The following CIDEB variants were observed in gnomAD, a reference collection of about 807,000 sequenced individuals.
CIDEB encodes cell death inducing DFFA like effector b, also known as lipid transferase CIDEB.
A neutral mutation model predicts 22.4 loss-of-function variants in CIDEB; 27 were observed. That is an observed-to-expected ratio of 1.21 (90% CI 0.89 to 1.66). The LOEUF (loss-of-function observed/expected upper bound fraction) is 1.66. Ranked by LOEUF, CIDEB falls within the 40% of genes most tolerant of loss-of-function variation. The pLI, the probability that CIDEB is intolerant of heterozygous loss-of-function variation, is 0.00. For synonymous variants in CIDEB, 103 were observed against 109.5 expected, an observed-to-expected ratio of 0.94 and a Z score of 0.37; for missense variants, 289 against 268.7, an observed-to-expected ratio of 1.08 and a Z score of -0.53.
chr14:24,308,118 G>A, upstream of CIDEB: 1 of 547,088 alleles, frequency 1.8e-6, no homozygotes, highest in Non-Finnish European at 3.3e-6. Flanking sequence ...GTGTGTCTTT[G>A]GTGATGACAT....
rs373512635 is a variant in CIDEB, at chr14:24,306,379, T to C, written c.331A>G (p.Thr111Ala). ...VLQSGQSWSP[T>A]RSGVLSYGLG... ...CCCCAGTATAGGCCTCTTACCCTTGTAGGGCTCCAGCTCTGACCAGACTGC... is the reference window on the plus strand; with the variant it reads ...CCCCAGTATAGGCCTCTTACCCTTGCAGGGCTCCAGCTCTGACCAGACTGC... The change falls in exon 3 of 5, where the codon ACA becomes GCA. Residue 111 changes from threonine to alanine, a missense_variant. Physicochemically the swap from Thr to Ala is moderately conservative, Grantham distance 58 (BLOSUM62 0). Coordinates refer to ENST00000554411, the MANE Select transcript of CIDEB (RefSeq NM_001393339.1). The C allele has an allele frequency of 2.5e-6, 4 of 1,614,212 alleles. No homozygotes were observed. The highest frequency in any genetic ancestry group is 1.6e-4 in the Middle Eastern group (1 of 6,062).
chr14:24,307,369 A>G lies in CIDEB; in HGVS notation c.186+2T>C. 6.2e-7 allele frequency: 1 copy of G among 1,612,110 alleles called. No individual in the cohort carries two copies. The highest frequency in any genetic ancestry group is 8.5e-7 in the Non-Finnish European group (1 of 1,178,904). The stretch of plus-strand genomic sequence containing the variant: ...AGGAACCGAGGAACTTGGCCTACTT[A>G]CTTTGGCTAGCAGCTCCTGGCGGGT... On this transcript the variant is annotated splice_donor_variant, in intron 2 of 4. Transcript: ENST00000554411. LOFTEE classifies it high-confidence loss of function.
In CIDEB at chr14:24,307,477, A is replaced by C. The variant is rs777640216; in HGVS notation, c.80T>G (p.Val27Gly). The C allele has an allele frequency of 6.2e-7, 1 of 1,613,896 alleles. No individual in the cohort carries two copies. Among genetic ancestry groups the C allele is most frequent in the Non-Finnish European group, 8.5e-7 (1 of 1,179,972 alleles). Residue 27 changes from valine to glycine, a missense_variant, in exon 2 of 5, where the codon GTC (valine) becomes GGC (glycine). By Grantham distance (109) the Val-to-Gly change is moderately radical. Coordinates refer to ENST00000554411, the MANE Select transcript of CIDEB (RefSeq NM_001393339.1). Reference sequence around the variant, plus strand: ...CTGGGGTGGTGGAGCTGAGGTCCAGACCCTCCGTCCAAACTCCGAGCTTAT... The same window carrying C: ...CTGGGGTGGTGGAGCTGAGGTCCAGCCCCTCCGTCCAAACTCCGAGCTTAT... ...SNISSEFGRR[V>G]WTSAPPPQRP...
chr14:24,307,982 C>T, upstream of CIDEB: 1 of 878,036 alleles, frequency 1.1e-6, no homozygotes, highest in East Asian at 2.7e-5. Flanking sequence ...GGGAATGAGT[C>T]AAGCCTGGAC....
upstream of CIDEB, chr14:24,310,612 C>T (rs980514713): frequency 1.9e-6 from 3 of 1,586,304 alleles, no homozygotes; most frequent in Non-Finnish European, 2.6e-6. Context: ...GGGTTTTGCC[C>T]CACCCCTGAA....
At chr14:24,310,858 C>A (rs375166428), upstream of CIDEB, 1 of 1,591,058 alleles carries the variant, frequency 6.3e-7, no homozygotes, top group South Asian at 1.1e-5. Flanking sequence ...CTGCACCTGG[C>A]GCTGGCCGAC....
Position 24,305,997 on chromosome 14 carries a change from G to C in CIDEB, c.477C>G (p.Leu159=), listed in dbSNP as rs780437046. The part of the protein sequence containing the change: ...SLNVKATFYG[L]YSMSCDFQGL... The stretch of plus-strand genomic sequence containing the variant: ...CTTGAAAGTCACAACTCATAGAGTA[G>C]AGCCCGTAGAATGTGGCTTTGACAT... Residue 159 remains leucine (L), a synonymous_variant, in exon 4 of 5, where the codon CTC becomes CTG. Transcript: ENST00000554411. 3.1e-6 allele frequency: 5 copies of C among 1,614,088 alleles called. No homozygotes were observed. Among genetic ancestry groups the C allele is most frequent in the Admixed American group, 3.3e-5 (2 of 60,008 alleles).
chr14:24,306,420 G>T lies in CIDEB; in HGVS notation c.290C>A (p.Thr97Lys). The change falls in exon 3 of 5, where the codon ACG (threonine) becomes AAG (lysine). Residue 97 changes from threonine to lysine, a missense_variant. Coordinates refer to ENST00000554411, the MANE Select transcript of CIDEB (RefSeq NM_001393339.1). ...ACCAGACTGCAACACCATCAGGCACGTGTCATCCTCCAGCAGCTGGAAGAA... is the reference window on the plus strand; with the variant it reads ...ACCAGACTGCAACACCATCAGGCACTTGTCATCCTCCAGCAGCTGGAAGAA... Reference protein sequence around the residue: ...EDFFQLLEDDTCLMVLQSGQS... With the variant: ...EDFFQLLEDDKCLMVLQSGQS... 6.2e-7 allele frequency: 1 copy of T among 1,614,218 alleles called. No homozygotes were observed.
Position 24,305,248 on chromosome 14 carries a change from T to G in CIDEB, c.*385A>C. On this transcript the variant is annotated 3_prime_UTR_variant, in exon 5 of 5. Transcript: ENST00000554411. Reference sequence around the variant, plus strand: ...TTTTGTTAGTTTGAGGGGAAGGGTATGAAGACAGATCTCAAGGTAAAGTCA... The same window carrying G: ...TTTTGTTAGTTTGAGGGGAAGGGTAGGAAGACAGATCTCAAGGTAAAGTCA... The G allele has an allele frequency of 1.2e-6, 1 of 836,934 alleles. No individual in the cohort carries two copies. The highest frequency in any genetic ancestry group is 1.7e-6 in the Non-Finnish European group (1 of 586,434). 51.8% of individuals were successfully genotyped at this position (836,934 alleles called of 1,614,324 possible).
In CIDEB at chr14:24,306,520, A is replaced by G. The variant is rs113714307; in HGVS notation, c.190T>C (p.Leu64=). The G allele has an allele frequency of 2.1e-5, 34 of 1,614,086 alleles. No homozygotes were observed. Among genetic ancestry groups the G allele is most frequent in the Middle Eastern group, 1.6e-4 (1 of 6,084 alleles). ...ATRQELLAKA[L]ETLLLNGVLT... is the part of the protein sequence containing the mutation. ...ACTCCATTCAGCAGTAGGGTCTCCA[A>G]TGCCTGCCCAATGGCAAGAAGCAAG... The change falls in exon 3 of 5, where the codon TTG becomes CTG. Residue 64 remains leucine (L), a synonymous_variant. Transcript: ENST00000554411.
intron 4 of CIDEB, 70 bp from the exon 5 acceptor site, chr14:24,305,835 TGAG>T: frequency 6.3e-7 from 1 of 1,594,656 alleles, no homozygotes; most frequent in South Asian, 1.1e-5. Flanking sequence ...AGCTGGGAGA[TGAG>T]GACTTTCCAC....
Position 24,305,649 on chromosome 14 carries a change from C to T in CIDEB, c.644G>A (p.Arg215His), listed in dbSNP as rs146066890. 26 of 1,613,302 alleles carry T rather than the reference C, an allele frequency of 1.6e-5. No homozygotes were observed. Among genetic ancestry groups the T allele is most frequent in the African/African-American group, 1.1e-4 (8 of 74,998 alleles). The change falls in exon 5 of 5, where the codon CGC becomes CAC. Residue 215 changes from arginine to histidine, a missense_variant. Coordinates refer to ENST00000554411, the MANE Select transcript of CIDEB (RefSeq NM_001393339.1). Reference protein sequence around the residue: ...EGAEQWQQKGRLHSY With the variant: ...EGAEQWQQKGHLHSY ...CAGAGCCCCTTAGTAGGAATGGAGG[C>T]GGCCCTTCTGCTGCCACTGCTCAGC...
chr14:24,306,771 G>A, intron 2 of CIDEB: 2 of 522,494 alleles, frequency 3.8e-6, no homozygotes, highest in Non-Finnish European at 6.9e-6. Flanking sequence ...TCCCCTCCAA[G>A]TCACTTCTGG....
upstream of CIDEB, chr14:24,310,545 C>A: frequency 9.2e-7 from 1 of 1,091,870 alleles, no homozygotes. Context: ...AGAAAAGAGG[C>A]AGGCTGCAGG....
At chr14:24,311,221 C>G (rs1453800901), upstream of CIDEB, 5 of 1,607,916 alleles carry the variant, frequency 3.1e-6, no homozygotes, top group African/African-American at 1.3e-5. Flanking sequence ...AGCCTGGAGA[C>G]TCTGACCGCT....
At position 24,306,480 on chromosome 14, in the gene CIDEB, A is replaced by G; in HGVS notation, c.230T>C (p.Leu77Pro). The change falls in exon 3 of 5, where the codon CTA becomes CCA. Residue 77 changes from leucine (L) to proline (P), a missense_variant. By Grantham distance (98) the Leu-to-Pro change is moderately conservative (BLOSUM62 -3). Coordinates refer to ENST00000554411, the MANE Select transcript of CIDEB (RefSeq NM_001393339.1). ...GTCCACTGCAGTTCCATCCTCCTCTAGCACCAGGGTTAGCACTCCATTCAG... is the reference window on the plus strand; with the variant it reads ...GTCCACTGCAGTTCCATCCTCCTCTGGCACCAGGGTTAGCACTCCATTCAG... ...LLLNGVLTLV[L>P]EEDGTAVDSE... is the part of the protein sequence containing the mutation. The G allele has an allele frequency of 6.2e-7, 1 of 1,614,220 alleles. No homozygotes were observed. Among genetic ancestry groups the G allele is most frequent in the African/African-American group, 1.3e-5 (1 of 75,054 alleles).
Position 24,307,839 on chromosome 14 carries a change from A to C in CIDEB, c.20T>G (p.Leu7Arg), listed in dbSNP as rs767333976. The C allele has an allele frequency of 1.0e-5, 16 of 1,595,412 alleles. No individual in the cohort carries two copies. Among genetic ancestry groups the C allele is most frequent in the Non-Finnish European group, 1.4e-5 (16 of 1,170,616 alleles). Residue 7 changes from leucine (L) to arginine (R), a missense_variant, in exon 1 of 5, where the codon CTG becomes CGG. By Grantham distance (102) the Leu-to-Arg change is moderately radical (BLOSUM62 -2). Coordinates refer to ENST00000554411, the MANE Select transcript of CIDEB (RefSeq NM_001393339.1). The part of the protein sequence containing the change: MEYLSA[L>R]NPSDLLRSVS... ...TCACCTGAGTAAGTCACTGGGGTTC[A>C]GAGCTGAGAGGTACTCCATGGTGGA...
chr14:24,306,205 C>T, intron 3 of CIDEB, 68 bp from the exon 4 acceptor site: 16 of 1,551,856 alleles, frequency 1.0e-5, no homozygotes, highest in Non-Finnish European at 1.3e-5. Flanking sequence ...TCCATCAGCA[C>T]TGGGTCAGAC....
chr14:24,307,664 G>GGGGGC, intron 1 of CIDEB, 149 bp from the exon 2 acceptor site: 1 of 1,189,588 alleles, frequency 8.4e-7, no homozygotes, highest in Non-Finnish European at 1.2e-6. Context: ...GAGTGCAGGT[G>GGGGGC]GGGGCGGGTG....
Sources: allele counts gnomAD v4.1 joint callset, GRCh38; gene constraint gnomAD v4.1.1; transcripts MANE v1.5; gene names NCBI Gene and HGNC (gene_info 2026-07-23, HGNC 2026-07-21).